The following CERS6 variants were observed in gnomAD, a reference collection of about 807,000 sequenced individuals.
CERS6 encodes LAG1 homolog, ceramide synthase 6.
Under a neutral mutation model 56.8 loss-of-function variants are expected in CERS6, and 26 were observed. The ratio of observed to expected loss-of-function variants is 0.46; its 90% CI spans 0.34 to 0.63. CERS6 has a LOEUF of 0.63. CERS6 is among the 30% of genes least tolerant of loss of function. CERS6 has a pLI of 0.01. For missense variants in CERS6, 415 were observed against 467.5 expected, an observed-to-expected ratio of 0.89 and a Z score of 1.04; for synonymous variants, 164 against 173.3, an observed-to-expected ratio of 0.95 and a Z score of 0.42.
chr2:168,496,077 C>T (rs1298951643), intron 1 of CERS6, among the ~76,000 whole-genome samples: 1 of 152,196 alleles, frequency 6.6e-6, no homozygotes, highest in Non-Finnish European at 1.5e-5. Context: ...GAACTGGGTT[C>T]TTTTCACTCT....
chr2:168,644,113 A>G, intron 4 of CERS6: 1 of 985,256 alleles, frequency 1.0e-6, no homozygotes, highest in Non-Finnish European at 1.2e-6. Flanking sequence ...AATAGGAGAT[A>G]TGACTTGCTT....
chr2:168,602,022 C>CA (rs1219414106), intron 3 of CERS6, among the ~76,000 whole-genome samples: 27 of 152,224 alleles, frequency 1.8e-4, no homozygotes, highest in African/African-American at 5.3e-4. Context: ...AAATCATAAA[C>CA]ACCTTAAATG....
chr2:168,570,101 A>G lies in CERS6; in HGVS notation c.407+8779A>G, dbSNP rs138165335. Reference sequence around the variant, plus strand: ...AAGAGAGGTGGCTCTGATGTCGATCATTTTGAGGAGGAGAGATCCAAGAAG... The same window carrying G: ...AAGAGAGGTGGCTCTGATGTCGATCGTTTTGAGGAGGAGAGATCCAAGAAG... On this transcript the variant is annotated intron_variant, in intron 3 of 9. Coordinates refer to ENST00000305747, the MANE Select transcript of CERS6 (RefSeq NM_203463.3). 2.3e-3 allele frequency among the ~76,000 whole-genome samples: 352 copies of G among 152,200 alleles called. 1 individual carries two copies. Among genetic ancestry groups the G allele is most frequent in the African/African-American group, 8.0e-3 (334 of 41,528 alleles).
intron 2 of CERS6, among the ~76,000 whole-genome samples, chr2:168,559,501 A>G (rs2105380374): frequency 6.6e-6 from 1 of 152,030 alleles, no homozygotes; most frequent in Admixed American, 6.5e-5. Flanking sequence ...CATGGAACAG[A>G]CTGAGAGAGA....
intron 3 of CERS6, among the ~76,000 whole-genome samples, chr2:168,603,001 T>A (rs1305541884): frequency 6.6e-6 from 1 of 152,222 alleles, no homozygotes. Context: ...TGCCTCTACA[T>A]AGCTCAATTA....
At chr2:168,669,354 C>T (rs1157640883) in intron 4 of CERS6, among the ~76,000 whole-genome samples, 2 of 152,182 alleles carry the variant, frequency 1.3e-5, no homozygotes, top group Non-Finnish European at 2.9e-5. Context: ...ATGGACATTC[C>T]ACACACCATT....
intron 3 of CERS6, among the ~76,000 whole-genome samples, chr2:168,603,621 A>G (rs1683984948): frequency 6.6e-6 from 1 of 152,216 alleles, no homozygotes; most frequent in African/African-American, 2.4e-5. Flanking sequence ...CTCTTTTAAC[A>G]TCTTTCAGAT....
chr2:168,679,595 T>C (rs973876901), intron 4 of CERS6, among the ~76,000 whole-genome samples: 44 of 152,356 alleles, frequency 2.9e-4, no homozygotes, highest in African/African-American at 9.9e-4. Flanking sequence ...AACTGTATCT[T>C]AGTCATGAAA....
At chr2:168,746,287 C>G (rs2105437865) in intron 8 of CERS6, among the ~76,000 whole-genome samples, 1 of 152,318 alleles carries the variant, frequency 6.6e-6, no homozygotes, top group South Asian at 2.1e-4. Context: ...ATTACGGAAT[C>G]TAAACAATTT....
chr2:168,754,709 A>C (rs1407403564), intron 8 of CERS6, among the ~76,000 whole-genome samples: 1 of 152,196 alleles, frequency 6.6e-6, no homozygotes. Context: ...GATCGCTTCT[A>C]AACCTCCCTT....
chr2:168,765,579 T>A lies in CERS6; in HGVS notation c.846-13T>A. The stretch of plus-strand genomic sequence containing the variant: ...AATGCCACATTCACTAATCACCTCC[T>A]TCTTTTCCTTAGGGTGTTAAATACC... On this transcript the variant is annotated splice_polypyrimidine_tract_variant and intron_variant, in intron 8 of 9. Transcript: ENST00000305747. 1.2e-6 allele frequency: 2 copies of A among 1,610,524 alleles called. No homozygotes were observed. Among genetic ancestry groups the A allele is most frequent in the Non-Finnish European group, 1.7e-6 (2 of 1,178,678 alleles).
intron 1 of CERS6, among the ~76,000 whole-genome samples, chr2:168,486,921 A>G (rs1694286944): frequency 6.6e-6 from 1 of 152,096 alleles, no homozygotes; most frequent in African/African-American, 2.4e-5. Flanking sequence ...AACCTATTTT[A>G]GTAAATGAAT....
intron 1 of CERS6, among the ~76,000 whole-genome samples, chr2:168,529,395 C>T (rs1305806980): frequency 2.0e-5 from 3 of 152,126 alleles, no homozygotes; most frequent in Non-Finnish European, 4.4e-5. Context: ...ATTCTGTTAT[C>T]AGTAATCCAC....
chr2:168,519,773 A>G (rs1694945690), intron 1 of CERS6, among the ~76,000 whole-genome samples: 1 of 152,164 alleles, frequency 6.6e-6, no homozygotes, highest in African/African-American at 2.4e-5. Context: ...GGTTGGTGCA[A>G]AAGTAATTGT....
chr2:168,661,847 G>A (rs778039830), intron 4 of CERS6, among the ~76,000 whole-genome samples: 1 of 152,236 alleles, frequency 6.6e-6, no homozygotes, highest in Non-Finnish European at 1.5e-5. Flanking sequence ...ACTTGCAGCT[G>A]TACTGGATGG....
intron 3 of CERS6, among the ~76,000 whole-genome samples, chr2:168,592,358 AGCTCAGGACGTGG>A (rs1356317298): frequency 6.6e-6 from 1 of 152,042 alleles, no homozygotes; most frequent in Non-Finnish European, 1.5e-5. Context: ...CACTGGCTGG[AGCTCAGGACGTGG>A]GAAAGGGAGG....
intron 4 of CERS6, among the ~76,000 whole-genome samples, chr2:168,673,328 CCT>C (rs1685970240): frequency 6.6e-6 from 1 of 151,948 alleles, no homozygotes; most frequent in African/African-American, 2.4e-5. Flanking sequence ...CGAATAATGC[CCT>C]GATTGTGTTT....
intron 3 of CERS6, among the ~76,000 whole-genome samples, chr2:168,618,351 T>G (rs1425989628): frequency 6.6e-6 from 1 of 152,172 alleles, no homozygotes; most frequent in Non-Finnish European, 1.5e-5. Flanking sequence ...TCACCACTTC[T>G]CTTCAACATA....
intron 8 of CERS6, among the ~76,000 whole-genome samples, chr2:168,757,805 C>T (rs1480719519): frequency 6.6e-6 from 1 of 152,182 alleles, no homozygotes; most frequent in Non-Finnish European, 1.5e-5. Context: ...CCGCAAGCTA[C>T]CCAGAAGCTG....
Sources: gnomAD v4.1 joint callset for allele counts (sites outside exome capture counted in the v4.1 genomes callset) on GRCh38, gnomAD v4.1.1 for gene constraint, MANE v1.5 for transcripts, NCBI Gene and HGNC (gene_info 2026-07-23, HGNC 2026-07-21) for gene names.